The following SGMS1 variants were observed in gnomAD, a reference collection of about 807,000 sequenced individuals.
SGMS1 encodes the protein phosphatidylcholine:ceramide cholinephosphotransferase 1.
A neutral mutation model predicts 46.2 loss-of-function variants in SGMS1; 13 were observed. That is an observed-to-expected ratio of 0.28 (90% CI 0.18 to 0.45). The LOEUF is 0.45. SGMS1 is among the 20% of genes least tolerant of loss of function. The pLI is 1.00. For synonymous variants in SGMS1, 203 were observed against 187.8 expected (o/e 1.08, Z -0.66); for missense variants, 324 against 519.9 (o/e 0.62, Z 3.66).
intron 1 of SGMS1, among the ~76,000 whole-genome samples, chr10:50,599,242 G>C (rs914071308): frequency 2.0e-5 from 3 of 152,064 alleles, no homozygotes; most frequent in African/African-American, 7.2e-5. Flanking sequence ...TAACAAAAAA[G>C]CTCCCATCAA....
chr10:50,539,481 G>C (rs1588870122), intron 2 of SGMS1, among the ~76,000 whole-genome samples: 1 of 152,208 alleles, frequency 6.6e-6, no homozygotes, highest in South Asian at 2.1e-4. Flanking sequence ...TATGGATCCT[G>C]TTCGAAATTT....
intron 6 of SGMS1, among the ~76,000 whole-genome samples, chr10:50,425,191 T>G (rs1849308755): frequency 6.6e-6 from 1 of 152,102 alleles, no homozygotes; most frequent in African/African-American, 2.4e-5. Context: ...AGTTTGGAGA[T>G]TTCTCAAACA....
chr10:50,465,160 C>A (rs375823095), intron 4 of SGMS1, among the ~76,000 whole-genome samples: 45 of 152,116 alleles, frequency 3.0e-4, no homozygotes, highest in African/African-American at 1.1e-3. Context: ...AAAAAATCTG[C>A]AGATTTTGAT....
chr10:50,453,579 G>A (rs1837139402), intron 5 of SGMS1, among the ~76,000 whole-genome samples: 2 of 151,446 alleles, frequency 1.3e-5, no homozygotes, highest in South Asian at 4.2e-4. Context: ...TCAAAAATAT[G>A]AAAGAAGGAT....
At chr10:50,457,276 A>T (rs562807391) in intron 5 of SGMS1, among the ~76,000 whole-genome samples, 1 of 152,356 alleles carries the variant, frequency 6.6e-6, no homozygotes, top group Admixed American at 6.5e-5. Context: ...TAGGAATAAA[A>T]ACTGGAAGCA....
intron 2 of SGMS1, among the ~76,000 whole-genome samples, chr10:50,527,580 C>T (rs571577835): frequency 2.0e-5 from 3 of 152,218 alleles, no homozygotes; most frequent in Admixed American, 6.5e-5. Context: ...TCTCCCTAGA[C>T]GTGTCCGCTA....
Position 50,414,947 on chromosome 10 carries a change from T to G in SGMS1, c.-232+18529A>C, listed in dbSNP as rs1849148733. On this transcript the variant is annotated intron_variant, in intron 6 of 10. Coordinates refer to ENST00000361781, the MANE Select transcript of SGMS1 (RefSeq NM_147156.4). ...CTATCCAATCCATATTTTTCCATCT[T>G]GAGTAAAGAACACACGTAGCACGTT... 2.0e-5 allele frequency among the ~76,000 whole-genome samples: 3 copies of G among 152,196 alleles called. No homozygotes were observed. The South Asian group carries it at 6.2e-4, about 32-fold the overall frequency.
At chr10:50,400,396 C>CATAT (rs10524155) in intron 6 of SGMS1, among the ~76,000 whole-genome samples, 1 of 98,780 alleles carries the variant, frequency 1.0e-5, no homozygotes, top group Non-Finnish European at 2.1e-5. Context: ...CACATCCTGG[C>CATAT]ATATATATAT....
upstream of SGMS1, chr10:50,624,538 C>CAAG (rs760683645): frequency 1.0e-6 from 1 of 966,166 alleles, no homozygotes; most frequent in Non-Finnish European, 1.2e-6. Context: ...GACGGAGGCG[C>CAAG]AAGAGCTCTA....
chr10:50,403,804 G>T (rs1265531713), intron 6 of SGMS1, among the ~76,000 whole-genome samples: 2 of 150,482 alleles, frequency 1.3e-5, no homozygotes, highest in African/African-American at 2.5e-5. Flanking sequence ...CCACAGGTAT[G>T]GGACATGGTA....
At chr10:50,425,871 C>A (rs1849319352) in intron 6 of SGMS1, among the ~76,000 whole-genome samples, 1 of 152,002 alleles carries the variant, frequency 6.6e-6, no homozygotes, top group Admixed American at 6.5e-5. Context: ...TCTTTTTTTC[C>A]CTGAACCTGT....
chr10:50,559,790 G>A (rs886294189), intron 2 of SGMS1, among the ~76,000 whole-genome samples: 2 of 152,146 alleles, frequency 1.3e-5, no homozygotes, highest in Non-Finnish European at 2.9e-5. Context: ...CATCATTGAT[G>A]TCCCACTATT....
At chr10:50,624,620 CT>C (rs1309168435), upstream of SGMS1, 16 of 985,280 alleles carry the variant, frequency 1.6e-5, no homozygotes, top group Admixed American at 2.5e-4. Context: ...TCCGCCGCCC[CT>C]CCGAGCTGCG....
chr10:50,596,107 T>C (rs1838589323), intron 1 of SGMS1, among the ~76,000 whole-genome samples: 1 of 151,940 alleles, frequency 6.6e-6, no homozygotes. Context: ...CTTGCTTCCA[T>C]ATATAAAGCC....
intron 5 of SGMS1, among the ~76,000 whole-genome samples, chr10:50,441,181 C>T (rs1245659043): frequency 1.3e-5 from 2 of 152,176 alleles, no homozygotes; most frequent in Non-Finnish European, 2.9e-5. Context: ...AGCCTTCTCT[C>T]CCACCTTCTC....
At chr10:50,600,257 G>C (rs1838637312) in intron 1 of SGMS1, among the ~76,000 whole-genome samples, 1 of 152,182 alleles carries the variant, frequency 6.6e-6, no homozygotes, top group South Asian at 2.1e-4. Context: ...TTATGAAAGA[G>C]GAGGGAAAAG....
At chr10:50,575,732 C>T (rs1299884618) in intron 2 of SGMS1, among the ~76,000 whole-genome samples, 1 of 151,804 alleles carries the variant, frequency 6.6e-6, no homozygotes, top group Non-Finnish European at 1.5e-5. Flanking sequence ...AAATTGTATA[C>T]ATTAATTATG....
intron 4 of SGMS1, among the ~76,000 whole-genome samples, chr10:50,463,784 A>G (rs1206670542): frequency 1.3e-5 from 2 of 152,224 alleles, no homozygotes; most frequent in African/African-American, 2.4e-5. Context: ...CACACATCCA[A>G]TGGCAGATGA....
intron 6 of SGMS1, among the ~76,000 whole-genome samples, chr10:50,381,302 C>G (rs981242208): frequency 1.3e-5 from 2 of 151,576 alleles, no homozygotes. Flanking sequence ...AAAAAAAAAT[C>G]CGTAACATTC....
Sources: allele counts gnomAD v4.1 joint callset (sites outside exome capture counted in the v4.1 genomes callset), GRCh38; gene constraint gnomAD v4.1.1; transcripts MANE v1.5; gene names NCBI Gene and HGNC (gene_info 2026-07-23, HGNC 2026-07-21).